Variants in LTBP3 observed in about 807,000 individuals in gnomAD.
LTBP3 encodes latent-transforming growth factor beta-binding protein 3.
LTBP3 carries 97 observed loss-of-function variants against 159.7 expected under a neutral mutation model. That is an observed-to-expected ratio of 0.61 (90% CI 0.52 to 0.72). The LOEUF is 0.72. Among genes scored for constraint, LTBP3 ranks in the 30% least tolerant of loss-of-function variants. The pLI is 0.00. For synonymous variants in LTBP3, 824 were observed against 777.1 expected (o/e 1.06, Z -1.00); for missense variants, 1,584 against 1,864.3 (o/e 0.85, Z 2.77).
Position 65,540,294 on chromosome 11 carries a change from A to T in LTBP3, c.3195T>A (p.Pro1065=), listed in dbSNP as rs1324741058. 6.4e-7 allele frequency: 1 copy of T among 1,561,124 alleles called. No individual in the cohort carries two copies. Among genetic ancestry groups the T allele is most frequent in the African/African-American group, 1.4e-5 (1 of 74,030 alleles). Residue 1065 remains proline (P), a synonymous_variant, in exon 23 of 28, where the codon CCT becomes CCA. Coordinates refer to ENST00000301873, the MANE Select transcript of LTBP3 (RefSeq NM_001130144.3). ...RGGYRCACTP[P]AEYSPAQRQC... ...GGCGCTGCGCGGGACTGTACTCGGC[A>T]GGGGGCGTGCAGGCACAGCGGTAGC...
In LTBP3 at chr11:65,553,223, C is replaced by T. The variant is rs1425555002; in HGVS notation, c.1004G>A (p.Gly335Glu). 2 of 1,614,024 alleles carry T rather than the reference C, an allele frequency of 1.2e-6. No homozygotes were observed. Among genetic ancestry groups the T allele is most frequent in the Admixed American group, 1.7e-5 (1 of 60,002 alleles). The stretch of plus-strand genomic sequence containing the variant: ...CTGGGGACAGTCAGCGCCCACTTCC[C>T]CACGTACAGGCCCTGGCTTCTGCAC... Reference protein sequence around the residue: ...TGVQKPGPVRGEVGADCPQGY... With the variant: ...TGVQKPGPVREEVGADCPQGY... Residue 335 changes from glycine (G) to glutamate (E), a missense_variant, in exon 5 of 28, where the codon GGG becomes GAG. Gly to Glu is a moderately conservative substitution (Grantham distance 98, BLOSUM62 -2). Around this residue, in one of 6 missense-constraint regions of LTBP3, gnomAD observed 156 missense variants for 259.7 expected, o/e 0.60. Transcript: ENST00000301873. The surrounding 1 kb of genome is among the most constrained non-coding windows in gnomAD (Gnocchi z 6.5).
Position 65,558,327 on chromosome 11 carries a change from C to T in LTBP3, c.-368G>A, listed in dbSNP as rs1205388000. 4.8e-6 allele frequency: 2 copies of T among 413,050 alleles called. No homozygotes were observed. The highest frequency in any genetic ancestry group is 4.2e-5 in the African/African-American group (2 of 47,194). The allele number at this position is 413,050 out of a possible 1,614,324, so 25.6% of individuals were successfully genotyped here. The stretch of plus-strand genomic sequence containing the variant: ...CTCCTCTCCCGCGGCCGCGGGGAGG[C>T]AGGGAGCGCGCGGGGAGGGCTCAGG... On this transcript the variant is annotated 5_prime_UTR_variant, in exon 1 of 28. Coordinates refer to ENST00000301873, the MANE Select transcript of LTBP3 (RefSeq NM_001130144.3).
Position 65,540,156 on chromosome 11 carries a change from A to G in LTBP3, c.3245-3T>C. Reference sequence around the variant, plus strand: ...CGGGTCCTGGCACTCGTCCACGTCTACGAACAGCGAGGGGGTGGGTGGGGG... The same window carrying G: ...CGGGTCCTGGCACTCGTCCACGTCTGCGAACAGCGAGGGGGTGGGTGGGGG... On this transcript the variant is annotated splice_region_variant and splice_polypyrimidine_tract_variant and intron_variant, in intron 23 of 27. Coordinates refer to ENST00000301873, the MANE Select transcript of LTBP3 (RefSeq NM_001130144.3). 6.5e-7 allele frequency: 1 copy of G among 1,531,504 alleles called. No individual in the cohort carries two copies. The highest frequency in any genetic ancestry group is 8.8e-7 in the Non-Finnish European group (1 of 1,142,062). 94.9% of individuals were successfully genotyped at this position (1,531,504 alleles called of 1,614,324 possible). A position where few individuals can be genotyped will look rare whatever the true frequency, so the allele number is the denominator to read the frequency against.
In LTBP3 at chr11:65,551,423, T is replaced by A; in HGVS notation, c.1600A>T (p.Thr534Ser). 7 of 1,612,342 alleles carry A rather than the reference T, an allele frequency of 4.3e-6. No individual in the cohort carries two copies. The highest frequency in any genetic ancestry group is 5.9e-6 in the Non-Finnish European group (7 of 1,179,698). Residue 534 changes from threonine to serine, a missense_variant, in exon 10 of 28, where the codon ACT (threonine) becomes TCT (serine). By Grantham distance (58) the Thr-to-Ser change is moderately conservative (BLOSUM62 1). Around this residue, in one of 6 missense-constraint regions of LTBP3, gnomAD observed 565 missense variants for 677.7 expected, o/e 0.83. Transcript: ENST00000301873. ...VQQSHPTATT[T>S]PARPYPELIS... Reference sequence around the variant, plus strand: ...TCACCGGGGTAGGGCCGGGCAGGAGTCGTGGTGGCAGTTGGGTGGCTCTGC... The same window carrying A: ...TCACCGGGGTAGGGCCGGGCAGGAGACGTGGTGGCAGTTGGGTGGCTCTGC...
rs745730170 is a variant in LTBP3 at position 65,547,988 on chromosome 11, C to T, written c.1778G>A (p.Gly593Asp). 2 of 1,613,718 alleles carry T rather than the reference C, an allele frequency of 1.2e-6. No homozygotes were observed. The highest frequency in any genetic ancestry group is 1.7e-6 in the Non-Finnish European group (2 of 1,179,982). The change falls in exon 12 of 28, where the codon GGC becomes GAC. Residue 593 changes from glycine to aspartate, a missense_variant. Gly to Asp is a moderately conservative substitution (Grantham distance 94). Coordinates refer to ENST00000301873, the MANE Select transcript of LTBP3 (RefSeq NM_001130144.3). The surrounding 1 kb of genome is among the most constrained non-coding windows in gnomAD (Gnocchi z 4.6). ...GCAGTGGCAGGAGTAGTCAGGGGGG[C>T]CCGGCACGCACTCTCCGTGGCCACA... ...NICGHGECVP[G>D]PPDYSCHCNP...
chr11:65,548,139 C>T lies in LTBP3; in HGVS notation c.1721-94G>A. 1.9e-6 allele frequency: 3 copies of T among 1,576,622 alleles called. No homozygotes were observed. The South Asian group carries it at 3.3e-5, about 18-fold the overall frequency. ...CCTCAACACCCCAGTCACACCATGA[C>T]CTCAGGTTCCTGTACGCCCATACTC... On this transcript the variant is annotated intron_variant, in intron 11 of 27. Coordinates refer to ENST00000301873, the MANE Select transcript of LTBP3 (RefSeq NM_001130144.3).
chr11:65,539,773 C>T lies in LTBP3; in HGVS notation c.3494G>A (p.Arg1165His), dbSNP rs1449867185. ...TTGGGCGCCCCAGCCGCGGCCCTGG[C>T]GGCAGCAGCAGTCGTCGAAGGTGAG... ...PALTFDDCCCRQGRGWGAQCR... is the reference protein window; with the variant it reads ...PALTFDDCCCHQGRGWGAQCR... The change falls in exon 25 of 28, where the codon CGC becomes CAC. Residue 1165 changes from arginine to histidine, a missense_variant. By Grantham distance (29) the Arg-to-His change is conservative (BLOSUM62 0). Around this residue, in one of 6 missense-constraint regions of LTBP3, gnomAD observed 514 missense variants for 530.3 expected, o/e 0.97. Coordinates refer to ENST00000301873, the MANE Select transcript of LTBP3 (RefSeq NM_001130144.3). The T allele has an allele frequency of 1.9e-6, 3 of 1,545,340 alleles. No individual in the cohort carries two copies. Among genetic ancestry groups the T allele is most frequent in the South Asian group, 2.4e-5 (2 of 85,058 alleles).
Position 65,553,763 on chromosome 11 carries a change from G to C in LTBP3, c.802C>G (p.Pro268Ala). Residue 268 changes from proline to alanine, a missense_variant, in exon 3 of 28, where the codon CCC becomes GCC. Physicochemically the swap from Pro to Ala is conservative, Grantham distance 27. Coordinates refer to ENST00000301873, the MANE Select transcript of LTBP3 (RefSeq NM_001130144.3). This position sits in a 1 kb window ranked among gnomAD's most constrained non-coding sequence, Gnocchi z 6.5. ...AGGGGCTTCTGGGTGGGCGGCCGGG[G>C]GTGCGAGGGCTTGGGGTGCGGCAGC... ...HLLPHPKPSH[P>A]RPPTQKPLGR... 6.4e-7 allele frequency: 1 copy of C among 1,573,716 alleles called. No individual in the cohort carries two copies. Among genetic ancestry groups the C allele is most frequent in the Non-Finnish European group, 8.6e-7 (1 of 1,167,650 alleles).
Position 65,554,107 on chromosome 11 carries a change from G to C in LTBP3, c.605C>G (p.Pro202Arg). ...ADPPGPGEGPPAQHAAFLVPL... is the reference protein window; with the variant it reads ...ADPPGPGEGPRAQHAAFLVPL... ...CACCAGGAAGGCTGCGTGCTGGGCAGGAGGCCCCTCCCCGGGCCCAGGAGG... is the reference window on the plus strand; with the variant it reads ...CACCAGGAAGGCTGCGTGCTGGGCACGAGGCCCCTCCCCGGGCCCAGGAGG... The change falls in exon 2 of 28, where the codon CCT becomes CGT. Residue 202 changes from proline to arginine, a missense_variant. Pro to Arg is a moderately radical substitution (Grantham distance 103). Coordinates refer to ENST00000301873, the MANE Select transcript of LTBP3 (RefSeq NM_001130144.3). The surrounding 1 kb of genome is among the most constrained non-coding windows in gnomAD (Gnocchi z 5.3). 6.2e-7 allele frequency: 1 copy of C among 1,610,342 alleles called. No homozygotes were observed. Among genetic ancestry groups the C allele is most frequent in the East Asian group, 2.2e-5 (1 of 44,816 alleles).
In LTBP3 at chr11:65,554,089, A is replaced by G. The variant is rs962399097; in HGVS notation, c.623T>C (p.Phe208Ser). The G allele has an allele frequency of 6.2e-7, 1 of 1,608,204 alleles. No homozygotes were observed. Among genetic ancestry groups the G allele is most frequent in the African/African-American group, 1.3e-5 (1 of 74,856 alleles). The change falls in exon 2 of 28, where the codon TTC becomes TCC. Residue 208 changes from phenylalanine to serine, a missense_variant. By Grantham distance (155) the Phe-to-Ser change is radical. This residue lies in a region of LTBP3 where 194 missense variants were observed against 198.7 expected (regional missense o/e 0.98). Coordinates refer to ENST00000301873, the MANE Select transcript of LTBP3 (RefSeq NM_001130144.3). This position sits in a 1 kb window ranked among gnomAD's most constrained non-coding sequence, Gnocchi z 5.3. ...GEGPPAQHAA[F>S]LVPLGPGQIS... ...CTGTCCCGGGCCTAGGGGCACCAGG[A>G]AGGCTGCGTGCTGGGCAGGAGGCCC...
rs145046881 is a variant in LTBP3 at position 65,539,603 on chromosome 11, G to A, written c.3573C>T (p.Ser1191=). The change falls in exon 26 of 28, where the codon AGC becomes AGT. Residue 1191 remains serine, a synonymous_variant. Coordinates refer to ENST00000301873, the MANE Select transcript of LTBP3 (RefSeq NM_001130144.3). ...TTGTGTCCCAGAAGGAATTGCTCTC[G>A]CTCTGCGATGTCGGGCAATGGGACC... ...GAGSHCPTSQ[S]ESNSFWDTSP... is the part of the protein sequence containing the mutation. The A allele has an allele frequency of 1.3e-3, 2,163 of 1,612,216 alleles. 18 individuals carry two copies. The African/African-American group carries it at 0.026, about 19-fold the overall frequency.
Position 65,553,570 on chromosome 11 carries a change from G to A in LTBP3, c.865-40C>T. ...GGGAGGTGGGGTCACAGAGCACCCCGCCCCGGTGCCGCCTGTTAGGGTTGG... is the reference window on the plus strand; with the variant it reads ...GGGAGGTGGGGTCACAGAGCACCCCACCCCGGTGCCGCCTGTTAGGGTTGG... On this transcript the variant is annotated intron_variant, in intron 3 of 27. Transcript: ENST00000301873. This position sits in a 1 kb window ranked among gnomAD's most constrained non-coding sequence, Gnocchi z 6.5. 6.7e-7 allele frequency: 1 copy of A among 1,488,882 alleles called. No homozygotes were observed. The highest frequency in any genetic ancestry group is 9.3e-7 in the Non-Finnish European group (1 of 1,075,404). 92.2% of individuals were successfully genotyped at this position (1,488,882 alleles called of 1,614,324 possible).
chr11:65,555,641 G>A (rs1317867894), intron 1 of LTBP3, among the ~76,000 whole-genome samples: 3 of 152,188 alleles, frequency 2.0e-5, no homozygotes. Flanking sequence ...TCCCACAGGG[G>A]GTTCGGGGGA....
rs1236913336 is a variant in LTBP3, at chr11:65,539,328, C to G, written c.3760G>C (p.Asp1254His). ...QLDASRARCV[D>H]IDECRELNQR... ...CCCCCACCCCCGAAGCCCGGCTCAC[C>G]CACGCAGCGGGCGCGGGAGGCGTCG... The change falls in exon 27 of 28, where the codon GAT (aspartate) becomes CAT (histidine). Residue 1254 changes from aspartate (D) to histidine (H), a missense_variant and splice_region_variant. Physicochemically the swap from Asp to His is moderately conservative, Grantham distance 81 (BLOSUM62 -1). This residue lies in a region of LTBP3 where 514 missense variants were observed against 530.3 expected (regional missense o/e 0.97). Transcript: ENST00000301873. 1 of 1,516,794 alleles carries G rather than the reference C, an allele frequency of 6.6e-7. No individual in the cohort carries two copies. The allele number at this position is 1,516,794 out of a possible 1,614,324, so 94.0% of individuals were successfully genotyped here. A position where few individuals can be genotyped will look rare whatever the true frequency, so the allele number is the denominator to read the frequency against.
chr11:65,538,914 G>A lies in LTBP3; in HGVS notation c.*166C>T, dbSNP rs1445655760. The A allele has an allele frequency of 8.7e-6, 11 of 1,261,544 alleles. No homozygotes were observed. Among genetic ancestry groups the A allele is most frequent in the African/African-American group, 3.2e-5 (2 of 63,236 alleles). The allele number at this position is 1,261,544 out of a possible 1,614,324, so 78.1% of individuals were successfully genotyped here. On this transcript the variant is annotated 3_prime_UTR_variant, in exon 28 of 28. Coordinates refer to ENST00000301873, the MANE Select transcript of LTBP3 (RefSeq NM_001130144.3). Reference sequence around the variant, plus strand: ...GAGACCTTACAACCGCCCGCTAACCGGGGAGGGGGGCCGGTAGGGGCGCCT... The same window carrying A: ...GAGACCTTACAACCGCCCGCTAACCAGGGAGGGGGGCCGGTAGGGGCGCCT...
Position 65,543,045 on chromosome 11 carries a change from G to A in LTBP3, c.2596+60C>T, listed in dbSNP as rs548695514. The stretch of plus-strand genomic sequence containing the variant: ...GATGGATGGAGAAAGGCCACAGTGT[G>A]TCTAGGGAATTACTGCTCCCTGCCA... On this transcript the variant is annotated intron_variant, in intron 18 of 27. Transcript: ENST00000301873. 412 of 1,607,306 alleles carry A rather than the reference G, an allele frequency of 2.6e-4. 1 individual carries two copies. In the African/African-American group the frequency reaches 5.0e-3, roughly 19 times the overall value.
chr11:65,557,562 C>T, intron 1 of LTBP3, 67 bp downstream of exon 1: 2 of 1,596,582 alleles, frequency 1.3e-6, no homozygotes, highest in African/African-American at 1.3e-5. Flanking sequence ...GCCAAGACCC[C>T]ACTAGCTCTC....
At position 65,541,710 on chromosome 11, in the gene LTBP3, T is replaced by C. The variant is rs1590762587; in HGVS notation, c.2615A>G (p.Gln872Arg). Residue 872 changes from glutamine (Q) to arginine (R), a missense_variant, in exon 19 of 28, where the codon CAG becomes CGG. Around this residue, in one of 6 missense-constraint regions of LTBP3, gnomAD observed 565 missense variants for 677.7 expected, o/e 0.83. Coordinates refer to ENST00000301873, the MANE Select transcript of LTBP3 (RefSeq NM_001130144.3). ...RKCQDIDECS[Q>R]DPSLCLPHGA... ...ATGGGGAAGGCACAGGCTCGGGTCC[T>C]GGCTGCACTCATCTATGTCTGCGGG... 6.2e-7 allele frequency: 1 copy of C among 1,614,146 alleles called. No individual in the cohort carries two copies. The highest frequency in any genetic ancestry group is 8.5e-7 in the Non-Finnish European group (1 of 1,180,000).
Position 65,538,714 on chromosome 11 carries a change from C to A in LTBP3, c.*366G>T. On this transcript the variant is annotated 3_prime_UTR_variant, in exon 28 of 28. Coordinates refer to ENST00000301873, the MANE Select transcript of LTBP3 (RefSeq NM_001130144.3). ...TAAATTCTATTTCACACCCCTTGTG[C>A]CGGGCTCAGTCTAGCCCCTGGGAGG... The A allele has an allele frequency of 8.7e-7, 1 of 1,144,134 alleles. No individual in the cohort carries two copies. The highest frequency in any genetic ancestry group is 1.2e-6 in the Non-Finnish European group (1 of 830,446). The allele number at this position is 1,144,134 out of a possible 1,614,324, so 70.9% of individuals were successfully genotyped here.
Sources: allele counts gnomAD v4.1 joint callset (sites outside exome capture counted in the v4.1 genomes callset), GRCh38; gene constraint gnomAD v4.1.1; regional missense constraint gnomAD v4.1.1; non-coding constraint Gnocchi (gnomAD v3.1); transcripts MANE v1.5; gene names NCBI Gene and HGNC (gene_info 2026-07-23, HGNC 2026-07-21).